KIAA1328: variants seen among roughly 807,000 people sequenced by gnomAD.
KIAA1328 encodes protein hinderin.
Under a neutral mutation model 68.1 loss-of-function variants are expected in KIAA1328, and 52 were observed. That is an observed-to-expected ratio of 0.76 (90% confidence interval 0.61 to 0.96). The LOEUF is 0.96. KIAA1328 is among the 40% of genes least tolerant of loss of function. KIAA1328 has a pLI of 0.00. For missense variants in KIAA1328, 641 were observed against 677.6 expected (o/e 0.95, Z 0.60); for synonymous variants, 232 against 239.4 (o/e 0.97, Z 0.28).
intron 9 of KIAA1328, among the ~76,000 whole-genome samples, chr18:37,200,622 T>C (rs956127838): frequency 6.6e-6 from 1 of 151,416 alleles, no homozygotes; most frequent in African/African-American, 2.4e-5. Flanking sequence ...CCATCCTGGC[T>C]AACAAGGTGA....
intron 9 of KIAA1328, among the ~76,000 whole-genome samples, chr18:37,215,030 T>G (rs1223374464): frequency 6.6e-6 from 1 of 152,240 alleles, no homozygotes; most frequent in African/African-American, 2.4e-5. Flanking sequence ...AAGTTGCTTA[T>G]CAGCTTAAGG....
intron 5 of KIAA1328, among the ~76,000 whole-genome samples, chr18:36,891,505 T>TA (rs1358821455): frequency 2.0e-5 from 3 of 152,212 alleles, no homozygotes; most frequent in African/African-American, 4.8e-5. Flanking sequence ...ATATCATTCT[T>TA]ATGCCTTTGC....
intron 6 of KIAA1328, among the ~76,000 whole-genome samples, chr18:36,981,014 C>T (rs2052662273): frequency 6.6e-6 from 1 of 152,176 alleles, no homozygotes. Context: ...CAGACTAATA[C>T]ACCAACTAAC....
At chr18:36,994,084 T>C (rs950241600) in intron 6 of KIAA1328, among the ~76,000 whole-genome samples, 7 of 152,088 alleles carry the variant, frequency 4.6e-5, no homozygotes, top group African/African-American at 9.7e-5. Flanking sequence ...TTAGGAATAT[T>C]TTCCATTTCA....
intron 5 of KIAA1328, among the ~76,000 whole-genome samples, chr18:36,922,874 G>A (rs1032433798): frequency 2.0e-5 from 3 of 152,054 alleles, no homozygotes; most frequent in Admixed American, 6.6e-5. Flanking sequence ...GTCATTTTAC[G>A]TACTGCCTTG....
intron 9 of KIAA1328, among the ~76,000 whole-genome samples, chr18:37,195,670 C>G (rs1398141474): frequency 6.6e-6 from 1 of 152,184 alleles, no homozygotes; most frequent in Admixed American, 6.5e-5. Context: ...TGTTTTTATG[C>G]CAGTACCATG....
chr18:36,872,968 CTG>C (rs2047998016), intron 4 of KIAA1328, among the ~76,000 whole-genome samples: 1 of 152,126 alleles, frequency 6.6e-6, no homozygotes, highest in Non-Finnish European at 1.5e-5. Context: ...TTTTGTGTGA[CTG>C]TATTGAAGCA....
chr18:36,853,607 T>A (rs759695313), intron 4 of KIAA1328, among the ~76,000 whole-genome samples: 29 of 152,154 alleles, frequency 1.9e-4, no homozygotes, highest in Non-Finnish European at 3.4e-4. Context: ...TTCTATCCTA[T>A]GTTGTTATTG....
At chr18:37,064,837 G>A (rs2056289356) in intron 6 of KIAA1328, among the ~76,000 whole-genome samples, 4 of 152,088 alleles carry the variant, frequency 2.6e-5, no homozygotes, top group African/African-American at 9.7e-5. Flanking sequence ...GCTAAAAAAG[G>A]CAAGGAAGCT....
chr18:37,040,065 G>T (rs322656), intron 6 of KIAA1328, among the ~76,000 whole-genome samples: 111,343 of 152,038 alleles, frequency 0.73, 43,914 homozygotes, highest in South Asian at 0.89. Flanking sequence ...GCAACAGCAG[G>T]TCAAATCCTT....
chr18:37,083,289 C>T lies in KIAA1328; in HGVS notation c.1232+15744C>T, dbSNP rs1047276887. ...AATATTAGTCTTAAGCTGTAAGCTC[C>T]TGAAGGGAATTAATCCATGTACTTT... On this transcript the variant is annotated intron_variant, in intron 7 of 9. Transcript: ENST00000280020. Among the ~76,000 whole-genome samples, 6 of 152,296 alleles carry T rather than the reference C, an allele frequency of 3.9e-5. 1 individual carries two copies. The South Asian group carries it at 1.2e-3, about 32-fold the overall frequency.
At chr18:37,112,329 G>C (rs2057957148) in intron 7 of KIAA1328, among the ~76,000 whole-genome samples, 1 of 152,164 alleles carries the variant, frequency 6.6e-6, no homozygotes, top group Non-Finnish European at 1.5e-5. Flanking sequence ...GAAACTTCCA[G>C]AGGAAGATCA....
At chr18:36,941,052 C>T (rs1387163856) in intron 5 of KIAA1328, among the ~76,000 whole-genome samples, 1 of 152,090 alleles carries the variant, frequency 6.6e-6, no homozygotes, top group African/African-American at 2.4e-5. Flanking sequence ...GGAATCATCC[C>T]ATTTTTTGAG....
intron 6 of KIAA1328, among the ~76,000 whole-genome samples, chr18:37,037,868 G>A (rs1013328114): frequency 3.9e-5 from 6 of 152,146 alleles, no homozygotes; most frequent in African/African-American, 7.2e-5. Flanking sequence ...TTGGGAGGCC[G>A]AGGCAGGCTG....
At chr18:37,161,418 A>G (rs1356627983) in intron 8 of KIAA1328, among the ~76,000 whole-genome samples, 2 of 152,254 alleles carry the variant, frequency 1.3e-5, no homozygotes, top group African/African-American at 4.8e-5. Context: ...AATGATAATT[A>G]GTTCAAATTT....
intron 7 of KIAA1328, chr18:37,084,292 T>C (rs1438765060): frequency 5.4e-6 from 5 of 932,056 alleles, no homozygotes; most frequent in Non-Finnish European, 7.6e-6. Context: ...TAGGATACGT[T>C]TGGTATACTT....
At chr18:37,118,044 G>T (rs1243476728) in intron 7 of KIAA1328, among the ~76,000 whole-genome samples, 3 of 145,488 alleles carry the variant, frequency 2.1e-5, no homozygotes, top group Non-Finnish European at 4.5e-5. Context: ...CAATTTGGTC[G>T]CTCAGGCTGG....
intron 7 of KIAA1328, among the ~76,000 whole-genome samples, chr18:37,137,306 T>C (rs1321492276): frequency 6.6e-6 from 1 of 152,102 alleles, no homozygotes; most frequent in Non-Finnish European, 1.5e-5. Flanking sequence ...TCCACTCTCA[T>C]TCCTTCTCTT....
intron 7 of KIAA1328, among the ~76,000 whole-genome samples, chr18:37,079,528 A>G (rs1344627451): frequency 1.3e-5 from 2 of 151,844 alleles, no homozygotes; most frequent in Non-Finnish European, 2.9e-5. Flanking sequence ...AAGTGCAGCT[A>G]TTTCATCATG....
Sources: gnomAD v4.1 joint callset for allele counts (sites outside exome capture counted in the v4.1 genomes callset) on GRCh38, gnomAD v4.1.1 for gene constraint, MANE v1.5 for transcripts, NCBI Gene and HGNC (gene_info 2026-07-23, HGNC 2026-07-21) for gene names.